Variants in COX7B2 observed in about 807,000 individuals in gnomAD.
The protein encoded by COX7B2 is cytochrome c oxidase subunit 7B2, mitochondrial.
For synonymous variants in COX7B2, 37 were observed against 32.1 expected, an observed-to-expected ratio of 1.15 and a Z score of -0.51; for missense variants, 109 against 95.9, an observed-to-expected ratio of 1.14 and a Z score of -0.57.
At chr4:46,773,606 A>G (rs78130313) in intron 2 of COX7B2, among the ~76,000 whole-genome samples, 4,480 of 152,226 alleles carry the variant, frequency 0.029, 104 homozygotes, top group East Asian at 0.046. Flanking sequence ...CTAAAGCTTC[A>G]ATGTTGGGGA....
intron 2 of COX7B2, among the ~76,000 whole-genome samples, chr4:46,765,030 T>C (rs1247553768): frequency 3.3e-5 from 5 of 151,812 alleles, no homozygotes; most frequent in Non-Finnish European, 5.9e-5. Flanking sequence ...ACAAATAAAA[T>C]GCATTTTTTT....
chr4:46,877,772 CTGTT>C (rs71654854), intron 1 of COX7B2, among the ~76,000 whole-genome samples: 36,146 of 151,770 alleles, frequency 0.24, 4,480 homozygotes, highest in East Asian at 0.29. Flanking sequence ...CCCTGGTACA[CTGTT>C]TGTGGGAATG....
In COX7B2 at chr4:46,841,202, G is replaced by A. The variant is rs543077672; in HGVS notation, c.-50+3758C>T. ...AGCCTGCTCTTAATTGATTAGAGAG[G>A]AGTAAAAATGGAGAGGTGGAATCCA... On this transcript the variant is annotated intron_variant, in intron 2 of 2. Transcript: ENST00000355591. 3.9e-5 allele frequency among the ~76,000 whole-genome samples: 6 copies of A among 152,010 alleles called. No homozygotes were observed. In the South Asian group the frequency reaches 1.2e-3, roughly 32 times the overall value.
At chr4:46,791,566 G>GT (rs1718049041) in intron 2 of COX7B2, among the ~76,000 whole-genome samples, 1 of 152,128 alleles carries the variant, frequency 6.6e-6, no homozygotes, top group African/African-American at 2.4e-5. Flanking sequence ...AAACTCAAAA[G>GT]TGACCAGGAA....
At chr4:46,750,209 C>CACAA (rs1381938103) in intron 2 of COX7B2, among the ~76,000 whole-genome samples, 3 of 147,144 alleles carry the variant, frequency 2.0e-5, no homozygotes, top group African/African-American at 7.6e-5. Context: ...CACACACACA[C>CACAA]ACACACACAC....
Position 46,798,278 on chromosome 4 carries a change from C to T in COX7B2, c.-50+46682G>A, listed in dbSNP as rs573543709. On this transcript the variant is annotated intron_variant, in intron 2 of 2. Coordinates refer to ENST00000355591, the MANE Select transcript of COX7B2 (RefSeq NM_130902.3). ...GCCTCTCCTAGAACCAATGAAGAAG[C>T]ACAATGCCTGGTAGGCCTCTCTGGA... 8.5e-5 allele frequency among the ~76,000 whole-genome samples: 13 copies of T among 152,246 alleles called. No individual in the cohort carries two copies. The South Asian group carries it at 2.7e-3, about 32-fold the overall frequency.
At chr4:46,844,316 G>C (rs1319076008) in intron 2 of COX7B2, among the ~76,000 whole-genome samples, 1 of 151,874 alleles carries the variant, frequency 6.6e-6, no homozygotes, top group Admixed American at 6.6e-5. Context: ...CCCAAATTCG[G>C]CTTTCAAGCT....
intron 2 of COX7B2, among the ~76,000 whole-genome samples, chr4:46,768,316 T>A (rs556352742): frequency 1.2e-4 from 19 of 152,152 alleles, no homozygotes; most frequent in African/African-American, 4.6e-4. Flanking sequence ...AGTTCAGCCG[T>A]CCCCACGCAA....
intron 1 of COX7B2, among the ~76,000 whole-genome samples, chr4:46,856,181 T>C (rs868205211): frequency 2.6e-5 from 4 of 151,934 alleles, no homozygotes; most frequent in South Asian, 2.1e-4. Flanking sequence ...GAAGTGGAGG[T>C]TGCAGTAAGC....
chr4:46,843,853 T>C (rs1263515930), intron 2 of COX7B2, among the ~76,000 whole-genome samples: 2 of 151,978 alleles, frequency 1.3e-5, no homozygotes, highest in Non-Finnish European at 2.9e-5. Flanking sequence ...TCCTAAAGGA[T>C]TAAAAATAAA....
intron 2 of COX7B2, among the ~76,000 whole-genome samples, chr4:46,797,464 A>G (rs996145458): frequency 4.6e-5 from 7 of 152,174 alleles, no homozygotes; most frequent in African/African-American, 1.7e-4. Flanking sequence ...GGAATGTACA[A>G]TTGGAACGGA....
At chr4:46,834,358 C>T (rs765670320) in intron 2 of COX7B2, among the ~76,000 whole-genome samples, 1 of 151,760 alleles carries the variant, frequency 6.6e-6, no homozygotes, top group African/African-American at 2.4e-5. Context: ...GTATCTATCT[C>T]GAATGTTGAA....
intron 1 of COX7B2, among the ~76,000 whole-genome samples, chr4:46,859,828 A>G (rs1235380475): frequency 6.6e-6 from 1 of 152,140 alleles, no homozygotes; most frequent in Non-Finnish European, 1.5e-5. Flanking sequence ...TTTCTGAATA[A>G]CCCACCCCTT....
intron 2 of COX7B2, among the ~76,000 whole-genome samples, chr4:46,830,009 C>A (rs1658449352): frequency 6.6e-6 from 1 of 151,886 alleles, no homozygotes. Context: ...ATAACAAGAA[C>A]CTGAAATAGA....
intron 2 of COX7B2, among the ~76,000 whole-genome samples, chr4:46,756,104 A>G (rs1182763451): frequency 6.6e-6 from 1 of 151,862 alleles, no homozygotes; most frequent in Non-Finnish European, 1.5e-5. Flanking sequence ...GTACTGGTAT[A>G]AAAATAGACA....
chr4:46,826,481 A>G (rs1323409165), intron 2 of COX7B2, among the ~76,000 whole-genome samples: 1 of 152,144 alleles, frequency 6.6e-6, no homozygotes, highest in Non-Finnish European at 1.5e-5. Context: ...AACAGCCACA[A>G]GCGGAAATAC....
At chr4:46,792,711 T>C (rs1235742200) in intron 2 of COX7B2, among the ~76,000 whole-genome samples, 2 of 152,172 alleles carry the variant, frequency 1.3e-5, no homozygotes, top group East Asian at 1.9e-4. Context: ...TTATAACACA[T>C]CCATCCTAAT....
At position 46,751,516 on chromosome 4, in the gene COX7B2, T is replaced by C. The variant is rs1715376737; in HGVS notation, c.-49-16275A>G. 2.6e-5 allele frequency among the ~76,000 whole-genome samples: 4 copies of C among 152,138 alleles called. No homozygotes were observed. In the South Asian group the frequency reaches 8.3e-4, roughly 31 times the overall value. ...TTATGCTACTGTCAACTCAAGTACA[T>C]ATTGAAATAGTGGAGATAAATAAAA... On this transcript the variant is annotated intron_variant, in intron 2 of 2. Transcript: ENST00000355591.
intron 1 of COX7B2, among the ~76,000 whole-genome samples, chr4:46,865,198 T>C (rs1296191058): frequency 3.3e-5 from 5 of 152,148 alleles, no homozygotes; most frequent in Admixed American, 6.5e-5. Flanking sequence ...TGAGAACATA[T>C]ATTTTTTGGT....
Sources: allele counts gnomAD v4.1 joint callset (sites outside exome capture counted in the v4.1 genomes callset), GRCh38; gene constraint gnomAD v4.1.1; transcripts MANE v1.5; gene names NCBI Gene and HGNC (gene_info 2026-07-23, HGNC 2026-07-21).